The following NECAB1 variants were observed in gnomAD, a reference collection of about 807,000 sequenced individuals.
The protein encoded by NECAB1 is N-terminal EF-hand calcium binding protein 1, also known as N-terminal EF-hand calcium-binding protein 1.
In NECAB1, 29 loss-of-function variants were observed where a neutral mutation model predicts 57.5. That is an observed-to-expected ratio of 0.50 (90% CI 0.38 to 0.69). The LOEUF (loss-of-function observed/expected upper bound fraction) is 0.69, where lower values mean the gene tolerates loss of function less well. Among genes scored for constraint, NECAB1 ranks in the 30% least tolerant of loss-of-function variants. NECAB1 has a pLI of 0.00. For missense variants in NECAB1, 372 were observed against 413.8 expected (o/e 0.90, Z 0.88); for synonymous variants, 142 against 147.7 (o/e 0.96, Z 0.28).
At chr8:90,793,706 CA>C in intron 1 of NECAB1, among the ~76,000 whole-genome samples, 1 of 152,164 alleles carries the variant, frequency 6.6e-6, no homozygotes. Context: ...GGCCTCCATT[CA>C]TTCTGACCTG....
chr8:90,810,046 G>A (rs757310116), intron 2 of NECAB1, among the ~76,000 whole-genome samples: 3 of 152,156 alleles, frequency 2.0e-5, no homozygotes, highest in Non-Finnish European at 2.9e-5. Context: ...GAGACATAGG[G>A]AACTCGTCCA....
intron 2 of NECAB1, among the ~76,000 whole-genome samples, chr8:90,815,476 A>G (rs1231795717): frequency 6.6e-6 from 1 of 151,962 alleles, no homozygotes; most frequent in African/African-American, 2.4e-5. Context: ...TGCATGTTAT[A>G]TATCTATCAT....
chr8:90,853,661 T>G (rs1257517028), intron 3 of NECAB1, among the ~76,000 whole-genome samples: 3 of 152,214 alleles, frequency 2.0e-5, no homozygotes, highest in Admixed American at 2.0e-4. Context: ...AAATCTATAT[T>G]CAATTTTATC....
intron 1 of NECAB1, among the ~76,000 whole-genome samples, chr8:90,792,761 A>G (rs570856583): frequency 6.6e-6 from 1 of 151,622 alleles, no homozygotes; most frequent in Non-Finnish European, 1.5e-5. Context: ...TCTTTACAGC[A>G]CTTTTATTTC....
At chr8:90,924,638 A>C (rs897972556) in intron 6 of NECAB1, among the ~76,000 whole-genome samples, 3 of 152,184 alleles carry the variant, frequency 2.0e-5, no homozygotes, top group African/African-American at 7.2e-5. Context: ...ATAATAAACT[A>C]TTGCCAAGTT....
At chr8:90,908,830 T>C (rs1411524597) in intron 5 of NECAB1, among the ~76,000 whole-genome samples, 3 of 152,290 alleles carry the variant, frequency 2.0e-5, no homozygotes, top group Non-Finnish European at 4.4e-5. Flanking sequence ...TGGATCCTTC[T>C]AGTAGTCACT....
At chr8:90,930,093 C>T (rs1249040941) in intron 8 of NECAB1, among the ~76,000 whole-genome samples, 1 of 151,990 alleles carries the variant, frequency 6.6e-6, no homozygotes, top group African/African-American at 2.4e-5. Context: ...AAAACAAATG[C>T]AAAATGGGTT....
At chr8:90,858,649 T>A (rs1175334254) in intron 3 of NECAB1, among the ~76,000 whole-genome samples, 2 of 151,356 alleles carry the variant, frequency 1.3e-5, no homozygotes, top group East Asian at 1.9e-4. Flanking sequence ...GCAAATGTAA[T>A]TCCTCAGAAA....
Position 90,931,514 on chromosome 8 carries a change from T to C in NECAB1, c.694-2790T>C, listed in dbSNP as rs779183457. ...ACACTTAGCAATTTCTATAAATAGG[T>C]TTCTTTAGGTATTCCTTGTATCCAT... On this transcript the variant is annotated intron_variant, in intron 8 of 12. Coordinates refer to ENST00000417640, the MANE Select transcript of NECAB1 (RefSeq NM_022351.5). 1.7e-4 allele frequency among the ~76,000 whole-genome samples: 26 copies of C among 152,282 alleles called. 1 individual carries two copies. The highest frequency in any genetic ancestry group is 3.5e-4 in the Non-Finnish European group (24 of 68,020).
intron 3 of NECAB1, among the ~76,000 whole-genome samples, chr8:90,861,774 G>A (rs1808390430): frequency 6.6e-6 from 1 of 152,284 alleles, no homozygotes; most frequent in Middle Eastern, 3.4e-3. Flanking sequence ...GCTTAGAAAT[G>A]TAAGTAACCT....
chr8:90,879,797 G>T (rs1430508219), intron 4 of NECAB1, among the ~76,000 whole-genome samples: 1 of 152,144 alleles, frequency 6.6e-6, no homozygotes, highest in East Asian at 1.9e-4. Context: ...GGTATTTAAG[G>T]AGTAAATATT....
At chr8:90,854,921 C>G (rs1308301163) in intron 3 of NECAB1, among the ~76,000 whole-genome samples, 1 of 152,170 alleles carries the variant, frequency 6.6e-6, no homozygotes, top group Non-Finnish European at 1.5e-5. Context: ...CCTCTAGTTA[C>G]CCTGGAGAAT....
intron 6 of NECAB1, among the ~76,000 whole-genome samples, chr8:90,923,605 A>G (rs1810185007): frequency 6.6e-6 from 1 of 152,248 alleles, no homozygotes; most frequent in African/African-American, 2.4e-5. Context: ...AGGACAAATC[A>G]AACACAAGAA....
chr8:90,936,319 A>C (rs759616439), intron 9 of NECAB1, among the ~76,000 whole-genome samples: 2 of 152,124 alleles, frequency 1.3e-5, no homozygotes, highest in Non-Finnish European at 2.9e-5. Context: ...GCAAAGAATA[A>C]ATTTGTATTA....
chr8:90,911,671 A>G (rs1215055852), intron 5 of NECAB1, among the ~76,000 whole-genome samples: 1 of 152,166 alleles, frequency 6.6e-6, no homozygotes, highest in Non-Finnish European at 1.5e-5. Flanking sequence ...ATAACTCAGG[A>G]AAATTAATAT....
intron 1 of NECAB1, among the ~76,000 whole-genome samples, chr8:90,801,219 C>T (rs533045313): frequency 3.9e-5 from 6 of 152,226 alleles, no homozygotes; most frequent in Non-Finnish European, 7.4e-5. Context: ...ATCTCTATCA[C>T]CTGCAAAAGT....
chr8:90,957,251 T>A lies in NECAB1; in HGVS notation c.*1739T>A, dbSNP rs1012741496. On this transcript the variant is annotated 3_prime_UTR_variant, in exon 13 of 13. Coordinates refer to ENST00000417640, the MANE Select transcript of NECAB1 (RefSeq NM_022351.5). ...TCTTCTTGAGAATGTTTGTTGTAAA[T>A]GGTTTCAAAAATACAAATTATAGCC... 3.3e-5 allele frequency: 5 copies of A among 151,954 alleles called. No homozygotes were observed. The highest frequency in any genetic ancestry group is 1.2e-4 in the African/African-American group (5 of 41,420). The allele number at this position is 151,954 out of a possible 1,614,324, so 9.4% of individuals were successfully genotyped here.
At chr8:90,856,705 A>G (rs1018712431) in intron 3 of NECAB1, among the ~76,000 whole-genome samples, 3 of 152,214 alleles carry the variant, frequency 2.0e-5, no homozygotes, top group Non-Finnish European at 2.9e-5. Flanking sequence ...CTTTAAAAGA[A>G]CTACAGGTCT....
intron 1 of NECAB1, among the ~76,000 whole-genome samples, chr8:90,792,834 G>T (rs1236609491): frequency 1.3e-5 from 2 of 151,206 alleles, no homozygotes; most frequent in Non-Finnish European, 2.9e-5. Context: ...CTATTTTTCC[G>T]TCTGTTGCCT....
Sources: gnomAD v4.1 joint callset for allele counts (sites outside exome capture counted in the v4.1 genomes callset) on GRCh38, gnomAD v4.1.1 for gene constraint, MANE v1.5 for transcripts, NCBI Gene and HGNC (gene_info 2026-07-23, HGNC 2026-07-21) for gene names.